PVT1: variants seen among roughly 807,000 people sequenced by gnomAD.
The protein encoded by PVT1 is Pvt1 oncogene.
intron 2 of PVT1, among the ~76,000 whole-genome samples, chr8:127,831,627 G>C (rs1053153250): frequency 6.6e-6 from 1 of 152,156 alleles, no homozygotes; most frequent in African/African-American, 2.4e-5. Context: ...AGAAGTTGGG[G>C]AGCTGGAAAA....
intron 3 of PVT1, among the ~76,000 whole-genome samples, chr8:127,987,183 G>A (rs532606519): frequency 6.6e-6 from 1 of 152,334 alleles, no homozygotes; most frequent in South Asian, 2.1e-4. Context: ...TAGTAAAGGC[G>A]CTGTTGTTAT....
intron 3 of PVT1, among the ~76,000 whole-genome samples, chr8:127,928,986 C>G (rs1291647826): frequency 6.6e-6 from 1 of 152,176 alleles, no homozygotes; most frequent in Admixed American, 6.5e-5. Flanking sequence ...TGATATGCGG[C>G]TGCACAGCCA....
intron 2 of PVT1, among the ~76,000 whole-genome samples, chr8:127,828,812 A>C (rs1042510553): frequency 1.3e-5 from 2 of 152,122 alleles, no homozygotes; most frequent in Admixed American, 6.6e-5. Flanking sequence ...GACGAGATGG[A>C]CTATTTTTTT....
At chr8:127,949,262 T>A (rs1295914673) in intron 3 of PVT1, among the ~76,000 whole-genome samples, 1 of 152,070 alleles carries the variant, frequency 6.6e-6, no homozygotes. Context: ...AATAAGACTA[T>A]GTAGGTGAAG....
chr8:127,893,346 G>A (rs747757873), intron 3 of PVT1, among the ~76,000 whole-genome samples: 3 of 151,890 alleles, frequency 2.0e-5, no homozygotes, highest in South Asian at 2.1e-4. Flanking sequence ...GCGCAATCTC[G>A]GCTCACTGCA....
chr8:128,028,310 C>T (rs1453308720), intron 4 of PVT1, among the ~76,000 whole-genome samples: 1 of 152,258 alleles, frequency 6.6e-6, no homozygotes, highest in Non-Finnish European at 1.5e-5. Flanking sequence ...AATGCCTGGA[C>T]GTTCTCCTCG....
intron 5 of PVT1, among the ~76,000 whole-genome samples, chr8:128,093,056 T>C (rs1453335253): frequency 6.6e-6 from 1 of 152,232 alleles, no homozygotes; most frequent in African/African-American, 2.4e-5. Context: ...TATGCAACTT[T>C]AAGATCTGTC....
At chr8:127,968,340 G>T (rs1239085141) in intron 3 of PVT1, among the ~76,000 whole-genome samples, 1 of 151,940 alleles carries the variant, frequency 6.6e-6, no homozygotes, top group Non-Finnish European at 1.5e-5. Flanking sequence ...GCATCTGGAT[G>T]CCTGTTGAGT....
At chr8:127,870,166 T>A (rs1250176667) in intron 2 of PVT1, among the ~76,000 whole-genome samples, 1 of 152,160 alleles carries the variant, frequency 6.6e-6, no homozygotes, top group Non-Finnish European at 1.5e-5. Flanking sequence ...GGGTGGGGGC[T>A]AAAGCCAATG....
intron 4 of PVT1, among the ~76,000 whole-genome samples, chr8:128,013,716 G>T (rs900704304): frequency 3.3e-5 from 5 of 152,172 alleles, no homozygotes; most frequent in Admixed American, 2.6e-4. Context: ...TGTGTCACCT[G>T]CATTCTTTCT....
At chr8:127,827,099 G>A (rs567384350) in intron 2 of PVT1, among the ~76,000 whole-genome samples, 2 of 150,064 alleles carry the variant, frequency 1.3e-5, no homozygotes, top group East Asian at 2.0e-4. Flanking sequence ...GGGTTCGAGC[G>A]ATTCTCCTGC....
At chr8:128,095,672 T>C (rs1416586977) in intron 5 of PVT1, among the ~76,000 whole-genome samples, 2 of 152,218 alleles carry the variant, frequency 1.3e-5, no homozygotes, top group African/African-American at 2.4e-5. Flanking sequence ...CTAAAATATA[T>C]ATTGTCTGGC....
intron 3 of PVT1, chr8:127,947,052 T>G (rs1816429537): frequency 6.6e-6 from 1 of 152,506 alleles, no homozygotes; most frequent in African/African-American, 2.4e-5. Flanking sequence ...CCGTGGTCAC[T>G]TGTTCATGTG....
chr8:127,899,523 G>T (rs1003355712), intron 3 of PVT1, among the ~76,000 whole-genome samples: 1 of 152,138 alleles, frequency 6.6e-6, no homozygotes, highest in African/African-American at 2.4e-5. Flanking sequence ...CCCCTCACGC[G>T]CTTGTTGAGA....
chr8:127,940,763 G>A (rs1816339851), intron 3 of PVT1, among the ~76,000 whole-genome samples: 1 of 152,014 alleles, frequency 6.6e-6, no homozygotes, highest in Non-Finnish European at 1.5e-5. Context: ...ACCACACCTG[G>A]CTAATTTTTT....
chr8:127,860,856 C>T (rs1400513224), intron 2 of PVT1, among the ~76,000 whole-genome samples: 2 of 151,424 alleles, frequency 1.3e-5, no homozygotes, highest in African/African-American at 4.9e-5. Flanking sequence ...GTGGCCATTT[C>T]TCTCCCTCCT....
At chr8:127,996,090 C>T (rs1817100932) in intron 4 of PVT1, among the ~76,000 whole-genome samples, 2 of 152,178 alleles carry the variant, frequency 1.3e-5, no homozygotes, top group South Asian at 4.1e-4. Flanking sequence ...TCCAATTCCT[C>T]TCCCACACTC....
chr8:128,094,364 GA>G (rs547585061), intron 5 of PVT1, among the ~76,000 whole-genome samples: 84 of 152,278 alleles, frequency 5.5e-4, no homozygotes, highest in African/African-American at 1.9e-3. Context: ...TTTATAGCAT[GA>G]AAATTATAGG....
chr8:128,046,907 A>G (rs1369865351), intron 4 of PVT1, among the ~76,000 whole-genome samples: 1 of 152,148 alleles, frequency 6.6e-6, no homozygotes, highest in Non-Finnish European at 1.5e-5. Context: ...TCTCCAGGGG[A>G]CCAAGGAGTG....
Sources: gnomAD v4.1 joint callset for allele counts (sites outside exome capture counted in the v4.1 genomes callset) on GRCh38, gnomAD v4.1.1 for gene constraint, MANE v1.5 for transcripts, NCBI Gene and HGNC (gene_info 2026-07-23, HGNC 2026-07-21) for gene names.